The following LSS variants were observed in gnomAD, a reference collection of about 807,000 sequenced individuals.
LSS encodes 2,3-epoxysqualene-lanosterol cyclase.
LSS carries 90 observed loss-of-function variants against 110.3 expected under a neutral mutation model. The ratio of observed to expected loss-of-function variants is 0.82; its 90% CI spans 0.69 to 0.97. LSS has a LOEUF of 0.97. Among genes scored for constraint, LSS ranks in the 50% least tolerant of loss-of-function variants. The probability of loss-of-function intolerance (pLI) is 0.00; values close to 1 mark genes in which losing one functional copy is unlikely to be tolerated. For missense variants in LSS, 927 were observed against 990.0 expected, an observed-to-expected ratio of 0.94 and a Z score of 0.85; for synonymous variants, 433 against 400.0, an observed-to-expected ratio of 1.08 and a Z score of -0.98.
Position 46,221,949 on chromosome 21 carries a change from A to G in LSS, c.455T>C (p.Phe152Ser). 1 of 1,614,190 alleles carries G rather than the reference A, an allele frequency of 6.2e-7. No individual in the cohort carries two copies. The highest frequency in any genetic ancestry group is 1.7e-5 in the Admixed American group (1 of 60,020). The change falls in exon 5 of 22, where the codon TTT (phenylalanine) becomes TCT (serine). Residue 152 changes from phenylalanine to serine, a missense_variant. By Grantham distance (155) the Phe-to-Ser change is radical. Coordinates refer to ENST00000397728, the MANE Select transcript of LSS (RefSeq NM_002340.6). ...AGACACATAGTTGAGCGCAGTCCCA[A>G]ACACGGTGGACTTATCCTCAATGTG... ...GLHIEDKSTVFGTALNYVSLR... is the reference protein window; with the variant it reads ...GLHIEDKSTVSGTALNYVSLR...
rs1352331688 is a variant in LSS at position 46,209,357 on chromosome 21, G to T, written c.1266+197C>A. ...AGCACCCTGCAGGCCTCAGAGAGCT[G>T]CCCCAGGTGAGGCCAGCCCGAGGAG... On this transcript the variant is annotated intron_variant, in intron 13 of 21. Transcript: ENST00000397728. This position sits in a 1 kb window ranked among gnomAD's most constrained non-coding sequence, Gnocchi z 4.4. 2.1e-5 allele frequency among the ~76,000 whole-genome samples: 3 copies of T among 145,492 alleles called. No homozygotes were observed. The highest frequency in any genetic ancestry group is 5.0e-5 in the African/African-American group (2 of 40,338).
chr21:46,225,282 AGAGT>A (rs1181606853), intron 3 of LSS: 12 of 382,218 alleles, frequency 3.1e-5, no homozygotes, highest in African/African-American at 2.3e-4. Context: ...CCAGAAGACA[AGAGT>A]GAGAGCCTTC....
chr21:46,197,058 G>C (rs887015404), intron 17 of LSS, among the ~76,000 whole-genome samples: 2 of 152,368 alleles, frequency 1.3e-5, no homozygotes, highest in Middle Eastern at 3.4e-3. Context: ...GACGACCTGC[G>C]AGGCCGCGCC....
At position 46,221,637 on chromosome 21, in the gene LSS, C is replaced by T. The variant is rs559901393; in HGVS notation, c.550+217G>A. The T allele has an allele frequency of 6.8e-5, 41 of 605,384 alleles. No individual in the cohort carries two copies. The East Asian group carries it at 1.1e-3, about 17-fold the overall frequency. The allele number at this position is 605,384 out of a possible 1,614,324, so 37.5% of individuals were successfully genotyped here. On this transcript the variant is annotated intron_variant, in intron 5 of 21. Transcript: ENST00000397728. Reference sequence around the variant, plus strand: ...TCTCCCAAAGTGCTGGAATTGCAGGCGTGAGCCACTCACTGTGCCTGGCTC... The same window carrying T: ...TCTCCCAAAGTGCTGGAATTGCAGGTGTGAGCCACTCACTGTGCCTGGCTC...
intron 3 of LSS, among the ~76,000 whole-genome samples, chr21:46,226,982 C>T (rs116885460): frequency 0.045 from 6,900 of 152,300 alleles, 219 homozygotes; most frequent in Non-Finnish European, 0.068. Flanking sequence ...GAAAAAAGTC[C>T]TATTGCATAA....
chr21:46,206,797 C>T lies in LSS; in HGVS notation c.1468-29G>A, dbSNP rs370562196. On this transcript the variant is annotated intron_variant, in intron 15 of 21. Transcript: ENST00000397728. ...AAATCACAGAGAGCACCCTAGAACTCGCCCATGTGCTGAGCACACACAGGC... is the reference window on the plus strand; with the variant it reads ...AAATCACAGAGAGCACCCTAGAACTTGCCCATGTGCTGAGCACACACAGGC... 2.6e-4 allele frequency: 403 copies of T among 1,566,872 alleles called. 3 individuals carry two copies. Among genetic ancestry groups the T allele is most frequent in the Non-Finnish European group, 6.9e-5 (79 of 1,144,430 alleles).
intron 19 of LSS, 67 bp downstream of exon 19, chr21:46,195,609 A>C (rs2079898690): frequency 7.1e-7 from 1 of 1,411,426 alleles, no homozygotes; most frequent in East Asian, 2.3e-5. Context: ...ATGTCAAAGC[A>C]AAAAACACTC....
At position 46,216,556 on chromosome 21, in the gene LSS, C is replaced by A; in HGVS notation, c.648-32G>T. On this transcript the variant is annotated intron_variant, in intron 6 of 21. Coordinates refer to ENST00000397728, the MANE Select transcript of LSS (RefSeq NM_002340.6). This position sits in a 1 kb window ranked among gnomAD's most constrained non-coding sequence, Gnocchi z 4.2. ...CAACAGCAGGAGTCAGTGGGAGACC[C>A]CAAGACTCAAGCCTGCCCCCTCCGC... 1 of 1,552,248 alleles carries A rather than the reference C, an allele frequency of 6.4e-7. No homozygotes were observed. Among genetic ancestry groups the A allele is most frequent in the Non-Finnish European group, 8.7e-7 (1 of 1,145,576 alleles).
intron 8 of LSS, 72 bp from the exon 9 acceptor site, chr21:46,215,370 A>G: frequency 9.2e-7 from 1 of 1,081,996 alleles, no homozygotes; most frequent in Admixed American, 2.0e-5. Context: ...CATGCACTGC[A>G]ACGCCTGGAC....
intron 20 of LSS, 123 bp from the exon 21 acceptor site, chr21:46,192,082 A>T: frequency 1.3e-6 from 1 of 769,518 alleles, no homozygotes; most frequent in Non-Finnish European, 2.2e-6. Flanking sequence ...ATGGGTCTAA[A>T]CTGACGCCCA....
At chr21:46,226,092 T>A (rs1324956222) in intron 3 of LSS, among the ~76,000 whole-genome samples, 1 of 150,022 alleles carries the variant, frequency 6.7e-6, no homozygotes, top group Non-Finnish European at 1.5e-5. Context: ...GCCAAAATTG[T>A]GCCATTGCAC....
At chr21:46,227,332 C>T (rs2080352428) in intron 3 of LSS, 4 of 567,064 alleles carry the variant, frequency 7.1e-6, no homozygotes, top group African/African-American at 1.9e-5. Context: ...GAACCACTTG[C>T]TTCTCTTATC....
chr21:46,208,137 C>T (rs561102256), intron 14 of LSS, 114 bp downstream of exon 14: 50 of 977,466 alleles, frequency 5.1e-5, no homozygotes, highest in South Asian at 3.7e-4. Flanking sequence ...CACCCAAAAA[C>T]GCCAAGGGAG....
rs1293144975 is a variant in LSS, at chr21:46,227,642, C to A, written c.229G>T (p.Ala77Ser). The A allele has an allele frequency of 6.2e-7, 1 of 1,613,828 alleles. No individual in the cohort carries two copies. Among genetic ancestry groups the A allele is most frequent in the Non-Finnish European group, 8.5e-7 (1 of 1,179,978 alleles). ...LPKAHTAFEG[A>S]LNGMTFYVGL... ...ACGTAAAATGTCATCCCGTTCAGAG[C>A]CCCCTCAAAGGCGGTGTGGGCTTTG... Residue 77 changes from alanine to serine, a missense_variant, in exon 3 of 22, where the codon GCT becomes TCT. Physicochemically the swap from Ala to Ser is moderately conservative, Grantham distance 99. Transcript: ENST00000397728.
chr21:46,192,496 G>A (rs1398698453), intron 20 of LSS: 3 of 455,582 alleles, frequency 6.6e-6, no homozygotes, highest in Admixed American at 2.3e-5. Flanking sequence ...CAGCACAGAC[G>A]GGATGTTGCG....
chr21:46,192,349 G>A (rs763251638), intron 20 of LSS: 55 of 402,704 alleles, frequency 1.4e-4, no homozygotes, highest in South Asian at 9.9e-4. Context: ...AGGGCTCAGC[G>A]GGCCCAGCTC....
chr21:46,191,962 G>A lies in LSS; in HGVS notation c.1989-3C>T, dbSNP rs1436969024. ...CCTGGGCCTCGATGTCAGGATGCCT[G>A]GTGGAAGAGAAGGCTGAAACACACC... On this transcript the variant is annotated splice_polypyrimidine_tract_variant and splice_region_variant and intron_variant, in intron 20 of 21. Coordinates refer to ENST00000397728, the MANE Select transcript of LSS (RefSeq NM_002340.6). 6.2e-6 allele frequency: 10 copies of A among 1,611,334 alleles called. No homozygotes were observed. The highest frequency in any genetic ancestry group is 5.0e-5 in the Admixed American group (3 of 59,886).
At chr21:46,218,417 A>C (rs904198726) in intron 6 of LSS, among the ~76,000 whole-genome samples, 44 of 152,246 alleles carry the variant, frequency 2.9e-4, no homozygotes, top group Non-Finnish European at 5.1e-4. Context: ...TGAGGTCAGG[A>C]GTTTGAGACC....
Position 46,190,793 on chromosome 21 carries a change from A to G in LSS, c.*311T>C. 2.7e-6 allele frequency: 1 copy of G among 367,964 alleles called. No homozygotes were observed. Among genetic ancestry groups the G allele is most frequent in the South Asian group, 4.3e-5 (1 of 23,200 alleles). The allele number at this position is 367,964 out of a possible 1,614,324, so 22.8% of individuals were successfully genotyped here. A position where few individuals can be genotyped will look rare whatever the true frequency, so the allele number is the denominator to read the frequency against. Reference sequence around the variant, plus strand: ...TGGTCAGAAAAAACCTCCTAGCCTCACTACCTTGAGGCCGTGCCCAGAGGT... The same window carrying G: ...TGGTCAGAAAAAACCTCCTAGCCTCGCTACCTTGAGGCCGTGCCCAGAGGT... On this transcript the variant is annotated 3_prime_UTR_variant, in exon 22 of 22. Coordinates refer to ENST00000397728, the MANE Select transcript of LSS (RefSeq NM_002340.6). The surrounding 1 kb of genome is among the most constrained non-coding windows in gnomAD (Gnocchi z 4.6).
Sources: allele counts gnomAD v4.1 joint callset (sites outside exome capture counted in the v4.1 genomes callset), GRCh38; gene constraint gnomAD v4.1.1; non-coding constraint Gnocchi (gnomAD v3.1); transcripts MANE v1.5; gene names NCBI Gene and HGNC (gene_info 2026-07-23, HGNC 2026-07-21).